GSDMA: variants seen among roughly 807,000 people sequenced by gnomAD.
GSDMA encodes the protein gasdermin A.
GSDMA carries 55 observed loss-of-function variants against 54.3 expected under a neutral mutation model. The ratio of observed to expected loss-of-function variants is 1.01; its 90% CI spans 0.82 to 1.27. The LOEUF (loss-of-function observed/expected upper bound fraction) is 1.27, where lower values mean the gene tolerates loss of function less well. GSDMA is among the 50% of genes most tolerant of loss of function. The pLI, the probability that GSDMA is intolerant of heterozygous loss-of-function variation, is 0.00. For synonymous variants in GSDMA, 211 were observed against 224.7 expected (o/e 0.94, Z 0.54); for missense variants, 542 against 542.6 (o/e 1.00, Z 0.01).
At chr17:39,976,784 C>T in intron 11 of GSDMA, 32 bp from the exon 12 acceptor site, 1 of 1,609,998 alleles carries the variant, frequency 6.2e-7, no homozygotes. Flanking sequence ...GTTTCCAGTT[C>T]TTTCTTTTCA....
At chr17:39,970,385 C>T in intron 3 of GSDMA, 97 bp from the exon 4 acceptor site, 1 of 1,190,156 alleles carries the variant, frequency 8.4e-7, no homozygotes, top group Non-Finnish European at 1.1e-6. Flanking sequence ...CCTGCCACCA[C>T]AATGTCTAGT....
chr17:39,976,054 G>A, intron 11 of GSDMA, 57 bp downstream of exon 11: 1 of 1,359,300 alleles, frequency 7.4e-7, no homozygotes, highest in Non-Finnish European at 1.0e-6. Context: ...AGCCAGTGGA[G>A]ATGCAGATTT....
At chr17:39,966,641 C>T (rs565580055) in intron 3 of GSDMA, among the ~76,000 whole-genome samples, 2 of 152,280 alleles carry the variant, frequency 1.3e-5, no homozygotes, top group Admixed American at 6.5e-5. Context: ...CTGCTGCCAC[C>T]GTCTCCAGGA....
intron 3 of GSDMA, 52 bp downstream of exon 3, chr17:39,966,489 T>C: frequency 6.8e-7 from 1 of 1,469,892 alleles, no homozygotes; most frequent in African/African-American, 1.4e-5. Context: ...GGGCAGTGCA[T>C]GGAAATGGTG....
At chr17:39,963,118 G>T (rs1468948252) in intron 1 of GSDMA, 33 bp downstream of exon 1, 4 of 153,006 alleles carry the variant, frequency 2.6e-5, no homozygotes, top group Non-Finnish European at 5.8e-5. Flanking sequence ...GAAGGCAGGG[G>T]TGCTCTGAGG....
chr17:39,963,484 G>A (rs1598300846), intron 1 of GSDMA, among the ~76,000 whole-genome samples: 1 of 152,180 alleles, frequency 6.6e-6, no homozygotes, highest in African/African-American at 2.4e-5. Context: ...TTCCACCCAC[G>A]GGGATAACTG....
chr17:39,974,514 A>G, intron 9 of GSDMA, 87 bp downstream of exon 9: 1 of 1,402,860 alleles, frequency 7.1e-7, no homozygotes, highest in Non-Finnish European at 9.6e-7. Flanking sequence ...GCAGGTAGGG[A>G]GATCTGACGG....
intron 1 of GSDMA, among the ~76,000 whole-genome samples, chr17:39,965,320 GAAAGAAAGAAAGAAAAAGA>G (rs1397774792): frequency 6.6e-6 from 1 of 150,710 alleles, no homozygotes; most frequent in African/African-American, 2.5e-5. Context: ...AATAAAGAAA[GAAAGAAAGAAAGAAAAAGA>G]AAAGAAAGAA....
At position 39,970,588 on chromosome 17, in the gene GSDMA, C is replaced by A. The variant is rs199621529; in HGVS notation, c.499C>A (p.Arg167=). Residue 167 remains arginine (R), a synonymous_variant, in exon 4 of 12, where the codon CGA becomes AGA. Coordinates refer to ENST00000301659, the MANE Select transcript of GSDMA (RefSeq NM_178171.5). ...GACGGTGCAGGAGGTCACACTGGAGCGAGCCGGCAAGGCAGAGGCCTGCTT... is the reference window on the plus strand; with the variant it reads ...GACGGTGCAGGAGGTCACACTGGAGAGAGCCGGCAAGGCAGAGGCCTGCTT... ...VETVQEVTLE[R]AGKAEACFSL... 75 of 1,602,410 alleles carry A rather than the reference C, an allele frequency of 4.7e-5. No homozygotes were observed. Among genetic ancestry groups the A allele is most frequent in the Non-Finnish European group, 5.7e-5 (67 of 1,174,364 alleles).
rs146317959 is a variant in GSDMA at position 39,965,101 on chromosome 17, C to T, written c.-5-582C>T. On this transcript the variant is annotated intron_variant, in intron 1 of 11. Coordinates refer to ENST00000301659, the MANE Select transcript of GSDMA (RefSeq NM_178171.5). Reference sequence around the variant, plus strand: ...CGCCACTGCACTCCAACCTGGGCAACAGAGTAAGACCCTGTCTCGGAAGAA... The same window carrying T: ...CGCCACTGCACTCCAACCTGGGCAATAGAGTAAGACCCTGTCTCGGAAGAA... Among the ~76,000 whole-genome samples, 826 of 151,064 alleles carry T rather than the reference C, an allele frequency of 5.5e-3. 2 individuals are homozygous for T. Among genetic ancestry groups the T allele is most frequent in the Middle Eastern group, 0.01 (3 of 292 alleles).
Position 39,976,864 on chromosome 17 carries a change from T to C in GSDMA, c.1144T>C (p.Phe382Leu), listed in dbSNP as rs762690410. The change falls in exon 12 of 12, where the codon TTC becomes CTC. Residue 382 changes from phenylalanine to leucine, a missense_variant. Transcript: ENST00000301659. ...CTTCCTGCTGGATAAAGAGGGTGTTTTCCCCCTGCAACCTGAGCTGCTCTC... is the reference window on the plus strand; with the variant it reads ...CTTCCTGCTGGATAAAGAGGGTGTTCTCCCCCTGCAACCTGAGCTGCTCTC... ...QNFLLDKEGVFPLQPELLSSL... is the reference protein window; with the variant it reads ...QNFLLDKEGVLPLQPELLSSL... 6.8e-6 allele frequency: 11 copies of C among 1,613,816 alleles called. No homozygotes were observed. In the Admixed American group the frequency reaches 8.3e-5, roughly 12 times the overall value.
At chr17:39,967,092 A>T (rs558983286) in intron 3 of GSDMA, among the ~76,000 whole-genome samples, 3 of 152,220 alleles carry the variant, frequency 2.0e-5, no homozygotes, top group Non-Finnish European at 4.4e-5. Context: ...AGGCTGGGGT[A>T]GTCATCCAGC....
intron 4 of GSDMA, 146 bp downstream of exon 4, chr17:39,970,793 T>C (rs1214143172): frequency 2.6e-5 from 14 of 534,152 alleles, no homozygotes; most frequent in Non-Finnish European, 3.8e-5. Flanking sequence ...GGCCACTCCT[T>C]CCCCCGGCTC....
intron 2 of GSDMA, 147 bp from the exon 3 acceptor site, chr17:39,966,113 G>T: frequency 2.3e-6 from 2 of 877,564 alleles, no homozygotes; most frequent in Non-Finnish European, 1.8e-6. Flanking sequence ...TTTTTGTAGA[G>T]ATGGGTTCTT....
intron 11 of GSDMA, among the ~76,000 whole-genome samples, chr17:39,976,581 G>A (rs1044405210): frequency 6.6e-6 from 1 of 152,050 alleles, no homozygotes; most frequent in African/African-American, 2.4e-5. Context: ...CCTGGCCTGT[G>A]AGCAAATTTT....
chr17:39,971,901 AACAG>A (rs1395778775), intron 5 of GSDMA, among the ~76,000 whole-genome samples: 1 of 150,150 alleles, frequency 6.7e-6, no homozygotes, highest in Non-Finnish European at 1.5e-5. Context: ...CAAAGGAGGA[AACAG>A]ACAGAGACTG....
chr17:39,970,500 C>CCCATTCCT lies in GSDMA; in HGVS notation c.412_419dup (p.Lys141HisfsTer3), dbSNP rs768956356. 7 of 1,584,570 alleles carry CCCATTCCT rather than the reference C, an allele frequency of 4.4e-6. No homozygotes were observed. The highest frequency in any genetic ancestry group is 5.2e-6 in the Non-Finnish European group (6 of 1,164,784). ...GCAACAGGAAGCTGGCAGCAGACCA[C>CCCATTCCT]CCATTCCTGAAGGAGATGCAAGATC... On this transcript the variant is annotated frameshift_variant, in exon 4 of 12. Coordinates refer to ENST00000301659, the MANE Select transcript of GSDMA (RefSeq NM_178171.5). LOFTEE classifies it high-confidence loss of function.
At position 39,974,882 on chromosome 17, in the gene GSDMA, G is replaced by A. The variant is rs776835215; in HGVS notation, c.907-18G>A. On this transcript the variant is annotated intron_variant, in intron 9 of 11. Coordinates refer to ENST00000301659, the MANE Select transcript of GSDMA (RefSeq NM_178171.5). ...CTTTCCTATGTTATCTTCAATAGTCGCCCACCTTCCCCCACAGCTTGAAGG... is the reference window on the plus strand; with the variant it reads ...CTTTCCTATGTTATCTTCAATAGTCACCCACCTTCCCCCACAGCTTGAAGG... 86 of 1,461,406 alleles carry A rather than the reference G, an allele frequency of 5.9e-5. No individual in the cohort carries two copies. Among genetic ancestry groups the A allele is most frequent in the South Asian group, 1.5e-4 (13 of 86,588 alleles). 90.5% of individuals were successfully genotyped at this position (1,461,406 alleles called of 1,614,324 possible). A position where few individuals can be genotyped will look rare whatever the true frequency, so the allele number is the denominator to read the frequency against.
chr17:39,971,650 A>G, intron 5 of GSDMA, 30 bp downstream of exon 5: 2 of 1,542,042 alleles, frequency 1.3e-6, no homozygotes, highest in Non-Finnish European at 1.8e-6. Flanking sequence ...TTCTCCCCAC[A>G]AGATGAGAAT....
Sources: gnomAD v4.1 joint callset for allele counts (sites outside exome capture counted in the v4.1 genomes callset) on GRCh38, gnomAD v4.1.1 for gene constraint, MANE v1.5 for transcripts, NCBI Gene and HGNC (gene_info 2026-07-23, HGNC 2026-07-21) for gene names.